Variants in GRID2 observed in about 807,000 individuals in gnomAD.
The protein encoded by GRID2 is glutamate ionotropic receptor delta type subunit 2, also known as glutamate receptor ionotropic, delta-2.
GRID2 carries 33 observed loss-of-function variants against 114.8 expected under a neutral mutation model. The ratio of observed to expected loss-of-function variants is 0.29; its 90% CI spans 0.22 to 0.38. GRID2 has a LOEUF of 0.38. GRID2 is among the 10% of genes least tolerant of loss of function. The probability of loss-of-function intolerance (pLI) is 1.00; values close to 1 mark genes in which losing one functional copy is unlikely to be tolerated. For missense variants in GRID2, 1,184 were observed against 1,257.7 expected, an observed-to-expected ratio of 0.94 and a Z score of 0.89; for synonymous variants, 505 against 449.9, an observed-to-expected ratio of 1.12 and a Z score of -1.55.
rs573418717 is a variant in GRID2 at position 93,042,198 on chromosome 4, C to T, written c.245-42797C>T. On this transcript the variant is annotated intron_variant, in intron 2 of 15. Transcript: ENST00000282020. ...GATTACAGGCATGAGCCACTGCACC[C>T]GGCCGAAATATACATCTTAAAATAT... 7.9e-5 allele frequency among the ~76,000 whole-genome samples: 12 copies of T among 151,360 alleles called. No individual in the cohort carries two copies. The East Asian group carries it at 1.8e-3, about 22-fold the overall frequency.
chr4:92,374,791 G>C (rs1729278856), intron 1 of GRID2, among the ~76,000 whole-genome samples: 1 of 152,150 alleles, frequency 6.6e-6, no homozygotes, highest in Non-Finnish European at 1.5e-5. Flanking sequence ...GAAGGGGATA[G>C]AGTCAAGTGT....
At chr4:93,332,925 C>A (rs991832357) in intron 8 of GRID2, among the ~76,000 whole-genome samples, 1 of 152,132 alleles carries the variant, frequency 6.6e-6, no homozygotes, top group Non-Finnish European at 1.5e-5. Context: ...CTGCGATCAC[C>A]ACCAGTCATA....
intron 2 of GRID2, among the ~76,000 whole-genome samples, chr4:92,844,303 C>T (rs1410427449): frequency 2.0e-5 from 3 of 151,908 alleles, no homozygotes; most frequent in African/African-American, 7.3e-5. Context: ...ATTTTGGAGG[C>T]CAAGACGGGT....
intron 13 of GRID2, among the ~76,000 whole-genome samples, chr4:93,622,509 A>G (rs1320237951): frequency 6.6e-6 from 1 of 152,212 alleles, no homozygotes; most frequent in Non-Finnish European, 1.5e-5. Flanking sequence ...CTAACACAAA[A>G]ATCCCCTAGT....
chr4:92,485,913 T>C (rs915419529), intron 1 of GRID2, among the ~76,000 whole-genome samples: 3 of 151,980 alleles, frequency 2.0e-5, no homozygotes, highest in Non-Finnish European at 4.4e-5. Flanking sequence ...AAACAAGATT[T>C]GAAATTGTAG....
chr4:93,747,971 G>A (rs1731992914), intron 14 of GRID2, among the ~76,000 whole-genome samples: 1 of 151,988 alleles, frequency 6.6e-6, no homozygotes, highest in Admixed American at 6.6e-5. Flanking sequence ...CTCAAAAAAA[G>A]AAGACTATTT....
intron 14 of GRID2, among the ~76,000 whole-genome samples, chr4:93,638,144 A>G (rs1578457284): frequency 6.6e-6 from 1 of 152,082 alleles, no homozygotes; most frequent in African/African-American, 2.4e-5. Flanking sequence ...ATGTACCTCA[A>G]TGTGTTCATT....
At chr4:92,483,999 G>T (rs773913060) in intron 1 of GRID2, among the ~76,000 whole-genome samples, 1 of 152,236 alleles carries the variant, frequency 6.6e-6, no homozygotes, top group East Asian at 1.9e-4. Context: ...GAATGATAAA[G>T]CAAGGTGCTC....
intron 2 of GRID2, among the ~76,000 whole-genome samples, chr4:92,787,212 A>C (rs1023941445): frequency 6.6e-6 from 1 of 151,932 alleles, no homozygotes; most frequent in Admixed American, 6.6e-5. Context: ...TAAAAGACAA[A>C]GATCCCAGAC....
At chr4:93,206,680 A>G (rs1417582125) in intron 4 of GRID2, among the ~76,000 whole-genome samples, 1 of 152,044 alleles carries the variant, frequency 6.6e-6, no homozygotes, top group East Asian at 1.9e-4. Context: ...AGAATCATTT[A>G]GAATAAATGT....
intron 8 of GRID2, among the ~76,000 whole-genome samples, chr4:93,382,292 G>A (rs1050861606): frequency 1.3e-5 from 2 of 151,764 alleles, no homozygotes; most frequent in Admixed American, 6.6e-5. Context: ...GTTATATTTG[G>A]GAGTTTTGGC....
chr4:93,709,026 C>A (rs1202714343), intron 14 of GRID2, among the ~76,000 whole-genome samples: 1 of 152,002 alleles, frequency 6.6e-6, no homozygotes, highest in Admixed American at 6.6e-5. Context: ...TCAGTAGTTT[C>A]CATTTATATC....
chr4:92,502,145 T>C (rs1723715377), intron 1 of GRID2, among the ~76,000 whole-genome samples: 1 of 152,248 alleles, frequency 6.6e-6, no homozygotes, highest in Admixed American at 6.5e-5. Context: ...TTATGATAGT[T>C]ACCACAAAGT....
intron 1 of GRID2, among the ~76,000 whole-genome samples, chr4:92,321,977 G>A (rs759054015): frequency 6.6e-6 from 1 of 151,972 alleles, no homozygotes; most frequent in Non-Finnish European, 1.5e-5. Context: ...TTTAAAATAT[G>A]GACTTATGGA....
At chr4:93,472,814 C>T (rs991182444) in intron 11 of GRID2, among the ~76,000 whole-genome samples, 1 of 152,076 alleles carries the variant, frequency 6.6e-6, no homozygotes, top group African/African-American at 2.4e-5. Flanking sequence ...GGGCTCTTTG[C>T]AGACAGTATG....
In GRID2 at chr4:93,569,427, A is replaced by G. The variant is rs1578282541; in HGVS notation, c.2193+54016A>G. Among the ~76,000 whole-genome samples, 4 of 152,162 alleles carry G rather than the reference A, an allele frequency of 2.6e-5. No individual in the cohort carries two copies. The East Asian group carries it at 5.8e-4, about 22-fold the overall frequency. On this transcript the variant is annotated intron_variant, in intron 13 of 15. Transcript: ENST00000282020. Reference sequence around the variant, plus strand: ...TCCAAATTACATCCCAAATCCACCCATTTATCACCAAATCCAGTGCTACAC... The same window carrying G: ...TCCAAATTACATCCCAAATCCACCCGTTTATCACCAAATCCAGTGCTACAC...
At chr4:93,400,266 A>T (rs1446875048) in intron 9 of GRID2, among the ~76,000 whole-genome samples, 2 of 152,150 alleles carry the variant, frequency 1.3e-5, no homozygotes, top group South Asian at 4.1e-4. Flanking sequence ...CTTCATATAT[A>T]GATTTCTTTG....
intron 2 of GRID2, among the ~76,000 whole-genome samples, chr4:93,009,862 C>T (rs1721943811): frequency 6.6e-6 from 1 of 152,004 alleles, no homozygotes; most frequent in African/African-American, 2.4e-5. Flanking sequence ...AGGTGGTGCC[C>T]TGATTCTTCA....
At chr4:93,237,392 G>A (rs1310453886) in intron 7 of GRID2, among the ~76,000 whole-genome samples, 1 of 151,856 alleles carries the variant, frequency 6.6e-6, no homozygotes, top group Non-Finnish European at 1.5e-5. Flanking sequence ...CACAAATGAA[G>A]TAGAAGGAAA....
Sources: gnomAD v4.1 joint callset for allele counts (sites outside exome capture counted in the v4.1 genomes callset) on GRCh38, gnomAD v4.1.1 for gene constraint, MANE v1.5 for transcripts, NCBI Gene and HGNC (gene_info 2026-07-23, HGNC 2026-07-21) for gene names.